Variants in MACROD2 observed in about 807,000 individuals in gnomAD.
MACROD2 encodes the protein ADP-ribose glycohydrolase MACROD2.
In MACROD2, 36 loss-of-function variants were observed where a neutral mutation model predicts 70.4. The observed-to-expected ratio is 0.51, with a 90% CI of 0.39 to 0.68. The LOEUF (loss-of-function observed/expected upper bound fraction) is 0.68, where lower values mean the gene tolerates loss of function less well. MACROD2 is among the 30% of genes least tolerant of loss of function. MACROD2 has a pLI of 0.00. For synonymous variants in MACROD2, 172 were observed against 178.8 expected, an observed-to-expected ratio of 0.96 and a Z score of 0.30; for missense variants, 496 against 538.4, an observed-to-expected ratio of 0.92 and a Z score of 0.78.
intron 8 of MACROD2, among the ~76,000 whole-genome samples, chr20:15,604,054 G>A (rs1258558225): frequency 6.6e-6 from 1 of 152,094 alleles, no homozygotes; most frequent in Non-Finnish European, 1.5e-5. Context: ...TGTCCTGTTT[G>A]TAGGCTAGCT....
intron 6 of MACROD2, among the ~76,000 whole-genome samples, chr20:15,288,142 G>A (rs1403306437): frequency 1.3e-5 from 2 of 152,230 alleles, no homozygotes; most frequent in Non-Finnish European, 2.9e-5. Context: ...CCAATGCAAA[G>A]TAGCTTTAGA....
At chr20:14,693,615 C>A (rs2071087854) in intron 5 of MACROD2, among the ~76,000 whole-genome samples, 1 of 152,052 alleles carries the variant, frequency 6.6e-6, no homozygotes, top group African/African-American at 2.4e-5. Flanking sequence ...AATATTAGGC[C>A]ATGTTATGAC....
chr20:14,425,007 G>A (rs13045973), intron 3 of MACROD2, among the ~76,000 whole-genome samples: 23,594 of 152,016 alleles, frequency 0.16, 2,599 homozygotes, highest in Non-Finnish European at 0.22. Flanking sequence ...GTTTCTGTTC[G>A]GGTTCCAACC....
chr20:15,824,687 A>G (rs2063977677), intron 8 of MACROD2, among the ~76,000 whole-genome samples: 1 of 152,206 alleles, frequency 6.6e-6, no homozygotes, highest in East Asian at 1.9e-4. Context: ...TGGGGAACAA[A>G]TATGCAGCCG....
At chr20:15,234,009 A>ATT (rs1342277075) in intron 6 of MACROD2, among the ~76,000 whole-genome samples, 11 of 39,988 alleles carry the variant, frequency 2.8e-4, no homozygotes, top group Admixed American at 8.3e-4. Flanking sequence ...ATATATATAT[A>ATT]TTCTTTTTTT....
intron 3 of MACROD2, among the ~76,000 whole-genome samples, chr20:14,278,988 C>G (rs967885849): frequency 2.6e-5 from 4 of 151,986 alleles, no homozygotes; most frequent in South Asian, 2.1e-4. Flanking sequence ...TTGTGAGGAG[C>G]TGGGGGTAAT....
At position 15,203,756 on chromosome 20, in the gene MACROD2, A is replaced by G. The variant is rs147357487; in HGVS notation, c.419-26184A>G. 2.0e-3 allele frequency among the ~76,000 whole-genome samples: 306 copies of G among 152,252 alleles called. 1 individual carries two copies. Among genetic ancestry groups the G allele is most frequent in the East Asian group, 0.011 (57 of 5,188 alleles). On this transcript the variant is annotated intron_variant, in intron 5 of 17. Transcript: ENST00000684519. ...ATCATTAAAAACACACAGCCATTAC[A>G]TAGCAGTTTTTCATAACACAAAAAT...
At chr20:15,325,578 CAG>C (rs1004153713) in intron 6 of MACROD2, among the ~76,000 whole-genome samples, 2 of 152,150 alleles carry the variant, frequency 1.3e-5, no homozygotes, top group Non-Finnish European at 2.9e-5. Context: ...CACTGTTTAA[CAG>C]ATGACTACTG....
intron 5 of MACROD2, among the ~76,000 whole-genome samples, chr20:14,946,872 C>A (rs2074436987): frequency 6.6e-6 from 1 of 152,090 alleles, no homozygotes; most frequent in African/African-American, 2.4e-5. Flanking sequence ...ATTTTGTATT[C>A]TCCCCCAATG....
At chr20:15,038,412 T>C (rs2075330600) in intron 5 of MACROD2, among the ~76,000 whole-genome samples, 1 of 152,212 alleles carries the variant, frequency 6.6e-6, no homozygotes, top group Non-Finnish European at 1.5e-5. Context: ...GGGGACAGCT[T>C]CCAATTTATT....
intron 5 of MACROD2, among the ~76,000 whole-genome samples, chr20:14,733,455 A>AT (rs2071621574): frequency 6.6e-6 from 1 of 152,190 alleles, no homozygotes; most frequent in South Asian, 2.1e-4. Context: ...TAATTGTATG[A>AT]TAAAAATATT....
At chr20:15,607,780 C>T (rs1185224103) in intron 8 of MACROD2, among the ~76,000 whole-genome samples, 3 of 152,140 alleles carry the variant, frequency 2.0e-5, no homozygotes, top group East Asian at 1.9e-4. Context: ...GTGATCTACC[C>T]GCCTCGGCCT....
rs118059899 is a variant in MACROD2, at chr20:15,535,200, C to G, written c.645+35353C>G. Among the ~76,000 whole-genome samples, 393 of 152,218 alleles carry G rather than the reference C, an allele frequency of 2.6e-3. 9 individuals are homozygous for G. The East Asian group carries it at 0.049, about 19-fold the overall frequency. On this transcript the variant is annotated intron_variant, in intron 8 of 17. Coordinates refer to ENST00000684519, the MANE Select transcript of MACROD2 (RefSeq NM_001351661.2). ...CTATGTTGCCCAGATTAGTCTTGAA[C>G]TTGCTTTTTAAGCAGTCCTCCCACC...
At chr20:15,367,701 CTTTG>C (rs951491648) in intron 6 of MACROD2, among the ~76,000 whole-genome samples, 3 of 151,794 alleles carry the variant, frequency 2.0e-5, no homozygotes, top group African/African-American at 7.3e-5. Flanking sequence ...TTTTTGTTTG[CTTTG>C]TTTTTTTTAA....
chr20:15,688,357 G>A (rs961223825), intron 8 of MACROD2, among the ~76,000 whole-genome samples: 3 of 152,212 alleles, frequency 2.0e-5, no homozygotes, highest in Non-Finnish European at 4.4e-5. Context: ...TGGGATAGAG[G>A]AACCAGGGAA....
At position 14,558,568 on chromosome 20, in the gene MACROD2, A is replaced by T. The variant is rs191108746; in HGVS notation, c.301+65060A>T. 1.4e-4 allele frequency among the ~76,000 whole-genome samples: 22 copies of T among 151,876 alleles called. No homozygotes were observed. The East Asian group carries it at 4.3e-3, about 29-fold the overall frequency. On this transcript the variant is annotated intron_variant, in intron 4 of 17. Coordinates refer to ENST00000684519, the MANE Select transcript of MACROD2 (RefSeq NM_001351661.2). ...TTCTTACCGATAAACTTCAGAGGAG[A>T]GAAACATTATTAGAGCTAAAGAGAG... is the stretch of plus-strand genomic sequence containing the variant.
At chr20:14,148,505 T>C (rs2054970422) in intron 3 of MACROD2, among the ~76,000 whole-genome samples, 1 of 152,218 alleles carries the variant, frequency 6.6e-6, no homozygotes, top group South Asian at 2.1e-4. Context: ...TGTATTATTT[T>C]GATCTTCTTC....
intron 2 of MACROD2, among the ~76,000 whole-genome samples, chr20:14,045,317 G>A (rs2053457103): frequency 7.2e-5 from 11 of 152,240 alleles, no homozygotes; most frequent in Admixed American, 7.2e-4. Flanking sequence ...AGCGAGGGCT[G>A]CCAGGGCTGC....
intron 4 of MACROD2, among the ~76,000 whole-genome samples, chr20:14,516,956 A>G (rs2085107849): frequency 6.6e-6 from 1 of 152,244 alleles, no homozygotes; most frequent in Admixed American, 6.5e-5. Context: ...ATCACTGGTC[A>G]TTAGAGAAAT....
Sources: allele counts gnomAD v4.1 joint callset (sites outside exome capture counted in the v4.1 genomes callset), GRCh38; gene constraint gnomAD v4.1.1; transcripts MANE v1.5; gene names NCBI Gene and HGNC (gene_info 2026-07-23, HGNC 2026-07-21).